The following SNRPD1 variants were observed in gnomAD, a reference collection of about 807,000 sequenced individuals.
SNRPD1 encodes the protein small nuclear ribonucleoprotein Sm D1.
Under a neutral mutation model 14.4 loss-of-function variants are expected in SNRPD1, and 1 was observed. The observed-to-expected ratio is 0.07, with a 90% CI of 0.02 to 0.33. SNRPD1 has a LOEUF of 0.33. Among genes scored for constraint, SNRPD1 ranks in the 10% least tolerant of loss-of-function variants. The probability of loss-of-function intolerance (pLI) is 1.00; values close to 1 mark genes in which losing one functional copy is unlikely to be tolerated. For synonymous variants in SNRPD1, 42 were observed against 50.3 expected, an observed-to-expected ratio of 0.83 and a Z score of 0.70; for missense variants, 52 against 146.4, an observed-to-expected ratio of 0.36 and a Z score of 3.33.
chr18:21,631,021 A>G lies in SNRPD1; in HGVS notation c.*1883A>G, dbSNP rs958541704. The G allele has an allele frequency of 6.6e-6, 1 of 151,766 alleles. No individual in the cohort carries two copies. Among genetic ancestry groups the G allele is most frequent in the Admixed American group, 6.6e-5 (1 of 15,208 alleles). 9.4% of individuals were successfully genotyped at this position (151,766 alleles called of 1,614,324 possible). A position where few individuals can be genotyped will look rare whatever the true frequency, so the allele number is the denominator to read the frequency against. On this transcript the variant is annotated 3_prime_UTR_variant, in exon 4 of 4. Transcript: ENST00000300413. ...TTTTTGTAAGTCATTGAAGTTATAT[A>G]GTAATTAGCGTTTTTTCCCCCACAA...
intron 3 of SNRPD1, among the ~76,000 whole-genome samples, chr18:21,624,764 C>G (rs1430197686): frequency 6.6e-6 from 1 of 151,756 alleles, no homozygotes; most frequent in African/African-American, 2.4e-5. Context: ...ATCTCTCTCT[C>G]GGTCCTTTAT....
intron 1 of SNRPD1, among the ~76,000 whole-genome samples, chr18:21,620,937 G>A (rs1392728579): frequency 6.6e-6 from 1 of 152,112 alleles, no homozygotes; most frequent in Admixed American, 6.6e-5. Context: ...GCCGAGGCGG[G>A]TGGATCACGA....
chr18:21,620,894 T>G (rs1207882916), intron 1 of SNRPD1, among the ~76,000 whole-genome samples: 2 of 152,150 alleles, frequency 1.3e-5, no homozygotes, highest in Non-Finnish European at 2.9e-5. Flanking sequence ...CAGGGCGCGG[T>G]GGCTCATGCC....
At chr18:21,622,850 C>T in intron 2 of SNRPD1, 49 bp downstream of exon 2, 1 of 890,760 alleles carries the variant, frequency 1.1e-6, no homozygotes, top group East Asian at 2.4e-5. Context: ...TCTCTTTTAC[C>T]TAGCCAGAGT....
rs2039015222 is a variant in SNRPD1 at position 21,623,744 on chromosome 18, T to G, written c.92-4T>G. Reference sequence around the variant, plus strand: ...AATAACTGCACAATTATTTTCCTCTTTAGGTGTGGATGTCAGCATGAATAC... The same window carrying G: ...AATAACTGCACAATTATTTTCCTCTGTAGGTGTGGATGTCAGCATGAATAC... On this transcript the variant is annotated splice_region_variant and splice_polypyrimidine_tract_variant and intron_variant, in intron 2 of 3. Coordinates refer to ENST00000300413, the MANE Select transcript of SNRPD1 (RefSeq NM_006938.4). The G allele has an allele frequency of 6.2e-7, 1 of 1,600,404 alleles. No individual in the cohort carries two copies. The highest frequency in any genetic ancestry group is 8.5e-7 in the Non-Finnish European group (1 of 1,173,844).
At position 21,631,450 on chromosome 18, in the gene SNRPD1, T is replaced by TTTTC. The variant is rs2039083193; in HGVS notation, c.*2314_*2317dup. The TTTTC allele has an allele frequency of 2.9e-5, 4 of 138,294 alleles. 1 individual carries two copies. The highest frequency in any genetic ancestry group is 3.1e-5 in the Non-Finnish European group (2 of 64,336). 8.6% of individuals were successfully genotyped at this position (138,294 alleles called of 1,614,324 possible). ...ACGTTTTTTTTTTTTTTTTTTTTTTTTTTCTGGAGACAGTCTTGCTCTGTT... is the reference window on the plus strand; with the variant it reads ...ACGTTTTTTTTTTTTTTTTTTTTTTTTTTCTTTCTGGAGACAGTCTTGCTCTGTT... On this transcript the variant is annotated 3_prime_UTR_variant, in exon 4 of 4. Transcript: ENST00000300413.
intron 1 of SNRPD1, among the ~76,000 whole-genome samples, chr18:21,621,669 C>A (rs1344427765): frequency 6.6e-6 from 1 of 152,044 alleles, no homozygotes; most frequent in Non-Finnish European, 1.5e-5. Context: ...TCTCTGCCTC[C>A]CAGGTTTAAG....
chr18:21,614,936 T>C (rs1427683919), intron 1 of SNRPD1, among the ~76,000 whole-genome samples: 2 of 152,212 alleles, frequency 1.3e-5, no homozygotes, highest in Non-Finnish European at 2.9e-5. Context: ...TTCAGGCCCT[T>C]TTTATCCCAC....
At chr18:21,615,919 C>T (rs2038953874) in intron 1 of SNRPD1, among the ~76,000 whole-genome samples, 1 of 152,164 alleles carries the variant, frequency 6.6e-6, no homozygotes, top group Non-Finnish European at 1.5e-5. Flanking sequence ...GTTGTTTGCT[C>T]AGTCTTTAAT....
chr18:21,612,341 C>G lies in SNRPD1; in HGVS notation c.-89C>G. On this transcript the variant is annotated 5_prime_UTR_variant, in exon 1 of 4. Coordinates refer to ENST00000300413, the MANE Select transcript of SNRPD1 (RefSeq NM_006938.4). ...TGACGTCCGGAGCCCCTGGAGTAGG[C>G]GCTTCCGGCCATTCATACTGCAGTC... 1 of 998,740 alleles carries G rather than the reference C, an allele frequency of 1.0e-6. No individual in the cohort carries two copies. Among genetic ancestry groups the G allele is most frequent in the Non-Finnish European group, 1.4e-6 (1 of 695,246 alleles). 61.9% of individuals were successfully genotyped at this position (998,740 alleles called of 1,614,324 possible).
chr18:21,624,479 G>T lies in SNRPD1; in HGVS notation c.283+540G>T, dbSNP rs576629254. Among the ~76,000 whole-genome samples, 443 of 151,966 alleles carry T rather than the reference G, an allele frequency of 2.9e-3. 2 individuals are homozygous for T. The highest frequency in any genetic ancestry group is 4.7e-3 in the Admixed American group (71 of 15,228). ...GGCCAAGGTGGGCAGATCACCTGAG[G>T]CCAGGAGTTCCAGACCAGCCTGGTC... On this transcript the variant is annotated intron_variant, in intron 3 of 3. Coordinates refer to ENST00000300413, the MANE Select transcript of SNRPD1 (RefSeq NM_006938.4).
Position 21,630,772 on chromosome 18 carries a change from AG to A in SNRPD1, c.*1635del, listed in dbSNP as rs2039075978. 1 of 148,934 alleles carries A rather than the reference AG, an allele frequency of 6.7e-6. No homozygotes were observed. Among genetic ancestry groups the A allele is most frequent in the African/African-American group, 2.4e-5 (1 of 40,930 alleles). 9.2% of individuals were successfully genotyped at this position (148,934 alleles called of 1,614,324 possible). On this transcript the variant is annotated 3_prime_UTR_variant, in exon 4 of 4. Coordinates refer to ENST00000300413, the MANE Select transcript of SNRPD1 (RefSeq NM_006938.4). The stretch of plus-strand genomic sequence containing the variant: ...GAGACTACGTCTCAAAAAAAAATCG[AG>A]AGAGAGATATATATATGTATTTATA...
intron 1 of SNRPD1, among the ~76,000 whole-genome samples, chr18:21,617,966 CAG>C (rs1052006049): frequency 3.9e-5 from 6 of 152,186 alleles, no homozygotes; most frequent in African/African-American, 9.7e-5. Flanking sequence ...GCCTGGGCAA[CAG>C]AACAAGACTC....
rs1251947537 is a variant in SNRPD1, at chr18:21,632,982, C to G, written c.*3844C>G. 1 of 152,158 alleles carries G rather than the reference C, an allele frequency of 6.6e-6. No homozygotes were observed. Among genetic ancestry groups the G allele is most frequent in the Non-Finnish European group, 1.5e-5 (1 of 68,208 alleles). The allele number at this position is 152,158 out of a possible 1,614,324, so 9.4% of individuals were successfully genotyped here. A position where few individuals can be genotyped will look rare whatever the true frequency, so the allele number is the denominator to read the frequency against. ...TCTCCTGCCTCAGCCTCCTGAGTAG[C>G]TGAGACTACAGGTGCCCACCACTAT... is the stretch of plus-strand genomic sequence containing the variant. On this transcript the variant is annotated 3_prime_UTR_variant, in exon 4 of 4. Coordinates refer to ENST00000300413, the MANE Select transcript of SNRPD1 (RefSeq NM_006938.4).
In SNRPD1 at chr18:21,629,593, G is replaced by C. The variant is rs1286359509; in HGVS notation, c.*455G>C. ...TACAGCAACAGCCGGATTAGTTACA[G>C]TTCAGCGTTTGCCTTATTTGAATAT... On this transcript the variant is annotated 3_prime_UTR_variant, in exon 4 of 4. Coordinates refer to ENST00000300413, the MANE Select transcript of SNRPD1 (RefSeq NM_006938.4). 1 of 160,130 alleles carries C rather than the reference G, an allele frequency of 6.2e-6. No individual in the cohort carries two copies. The highest frequency in any genetic ancestry group is 2.4e-5 in the African/African-American group (1 of 41,488). 9.9% of individuals were successfully genotyped at this position (160,130 alleles called of 1,614,324 possible).
At chr18:21,615,239 T>A (rs1404122899) in intron 1 of SNRPD1, among the ~76,000 whole-genome samples, 1 of 152,238 alleles carries the variant, frequency 6.6e-6, no homozygotes, top group Non-Finnish European at 1.5e-5. Context: ...GTTACATGTT[T>A]TTGAGATTCA....
At chr18:21,620,870 A>G (rs2038991845) in intron 1 of SNRPD1, among the ~76,000 whole-genome samples, 1 of 152,168 alleles carries the variant, frequency 6.6e-6, no homozygotes, top group Non-Finnish European at 1.5e-5. Flanking sequence ...CATGTTAATG[A>G]AAAGATATTC....
chr18:21,629,133 C>T lies in SNRPD1; in HGVS notation c.355C>T (p.Arg119Ter). The T allele has an allele frequency of 6.2e-7, 1 of 1,607,042 alleles. No homozygotes were observed. Among genetic ancestry groups the T allele is most frequent in the Non-Finnish European group, 8.5e-7 (1 of 1,173,904 alleles). ...GRGRGRGGPR[R>*] is the part of the protein sequence containing the mutation. ...TGGCAGAGGAAGAGGGGGTCCTAGG[C>T]GATAATGTCTCTCAAGATTTCAAAG... The change falls in exon 4 of 4, where the codon CGA becomes TGA. Residue 119 changes from arginine to a stop codon, truncating the protein, a stop_gained. Transcript: ENST00000300413. LOFTEE classifies it high-confidence loss of function.
intron 1 of SNRPD1, among the ~76,000 whole-genome samples, chr18:21,615,534 C>T (rs1332633662): frequency 1.3e-5 from 2 of 151,958 alleles, no homozygotes; most frequent in African/African-American, 2.4e-5. Flanking sequence ...AGGAGAATCC[C>T]TTGAACCCAG....
Sources: gnomAD v4.1 joint callset for allele counts (sites outside exome capture counted in the v4.1 genomes callset) on GRCh38, gnomAD v4.1.1 for gene constraint, MANE v1.5 for transcripts, NCBI Gene and HGNC (gene_info 2026-07-23, HGNC 2026-07-21) for gene names.